Variants in SMAD9 observed in about 807,000 individuals in gnomAD.
SMAD9 encodes MAD homolog 9.
In SMAD9, 36 loss-of-function variants were observed where a neutral mutation model predicts 46.1. That is an observed-to-expected ratio of 0.78 (90% CI 0.60 to 1.03). The LOEUF (loss-of-function observed/expected upper bound fraction) is 1.03. Ranked by LOEUF, SMAD9 falls within the 50% of genes least tolerant of loss-of-function variation. The pLI is 0.00. For synonymous variants in SMAD9, 245 were observed against 237.1 expected (o/e 1.03, Z -0.31); for missense variants, 572 against 599.8 (o/e 0.95, Z 0.48).
At chr13:36,912,870 A>C (rs1357214567) in intron 1 of SMAD9, among the ~76,000 whole-genome samples, 1 of 152,206 alleles carries the variant, frequency 6.6e-6, no homozygotes, top group African/African-American at 2.4e-5. Flanking sequence ...ACGGAAGTCT[A>C]ATCAGGAAAA....
intron 1 of SMAD9, among the ~76,000 whole-genome samples, chr13:36,911,683 G>GCTGT (rs1475786636): frequency 6.7e-6 from 1 of 150,354 alleles, no homozygotes; most frequent in Non-Finnish European, 1.5e-5. Context: ...GTTATGAACT[G>GCTGT]CTGTTCGGGG....
At chr13:36,919,060 T>C (rs1033633478) in intron 1 of SMAD9, among the ~76,000 whole-genome samples, 1 of 152,242 alleles carries the variant, frequency 6.6e-6, no homozygotes, top group Non-Finnish European at 1.5e-5. Context: ...TGTTTCTCAC[T>C]GTAAACTACT....
intron 1 of SMAD9, among the ~76,000 whole-genome samples, chr13:36,883,568 T>C (rs974977697): frequency 3.9e-5 from 6 of 152,268 alleles, no homozygotes; most frequent in South Asian, 2.1e-4. Flanking sequence ...CTGGACAACA[T>C]GGTGAAACAC....
chr13:36,865,736 C>T lies in SMAD9; in HGVS notation c.804G>A (p.Glu268=). 6.2e-7 allele frequency: 1 copy of T among 1,614,026 alleles called. No individual in the cohort carries two copies. Among genetic ancestry groups the T allele is most frequent in the Non-Finnish European group, 8.5e-7 (1 of 1,179,972 alleles). The change falls in exon 5 of 7, where the codon GAG becomes GAA. Residue 268 remains glutamate, a synonymous_variant. Transcript: ENST00000379826. ...CGACCGAGCACCAGTGCTGGGGCTC[C>T]TCGTAACAAACTGGTCGAAAGTCTG... ...PNGDFRPVCY[E]EPQHWCSVAY... is the part of the protein sequence containing the mutation.
chr13:36,867,855 T>C (rs2058251016), intron 3 of SMAD9, among the ~76,000 whole-genome samples: 2 of 152,174 alleles, frequency 1.3e-5, no homozygotes, highest in African/African-American at 2.4e-5. Flanking sequence ...ATTATAACCT[T>C]GTACCCAAGG....
intron 1 of SMAD9, among the ~76,000 whole-genome samples, chr13:36,889,884 T>C (rs779032635): frequency 6.6e-6 from 1 of 152,130 alleles, no homozygotes; most frequent in Non-Finnish European, 1.5e-5. Context: ...CCAGATCTTA[T>C]GCAACATCAA....
chr13:36,867,421 G>A (rs770546979), intron 3 of SMAD9, 38 bp from the exon 4 acceptor site: 9 of 1,350,316 alleles, frequency 6.7e-6, no homozygotes, highest in Middle Eastern at 1.8e-4. Context: ...TTGTCAAATC[G>A]ATAAACCACA....
intron 1 of SMAD9, among the ~76,000 whole-genome samples, chr13:36,882,982 G>C (rs2058416634): frequency 6.6e-6 from 1 of 152,044 alleles, no homozygotes; most frequent in Non-Finnish European, 1.5e-5. Context: ...GTTTCTATTT[G>C]TCCAGGCAGT....
intron 1 of SMAD9, among the ~76,000 whole-genome samples, chr13:36,916,081 CTT>C (rs1409700827): frequency 6.6e-6 from 1 of 152,212 alleles, no homozygotes; most frequent in Admixed American, 6.5e-5. Context: ...TAACAAGACC[CTT>C]TACACATCCA....
chr13:36,851,699 T>A lies in SMAD9; in HGVS notation c.1260+1720A>T, dbSNP rs2058076143. The A allele has an allele frequency of 4.2e-6, 4 of 958,816 alleles. No individual in the cohort carries two copies. In the South Asian group the frequency reaches 1.9e-4, roughly 46 times the overall value. The allele number at this position is 958,816 out of a possible 1,614,324, so 59.4% of individuals were successfully genotyped here. On this transcript the variant is annotated intron_variant, in intron 6 of 6. Transcript: ENST00000379826. Reference sequence around the variant, plus strand: ...AAAGAGATCTGATCCATCAGCCCAGTGGTAGCTACAGCTGCTCATCTCAAA... The same window carrying A: ...AAAGAGATCTGATCCATCAGCCCAGAGGTAGCTACAGCTGCTCATCTCAAA...
intron 1 of SMAD9, 21 bp from the exon 2 acceptor site, chr13:36,879,896 T>C (rs2058387947): frequency 6.7e-6 from 4 of 594,426 alleles, no homozygotes; most frequent in Admixed American, 2.9e-5. Flanking sequence ...CGACAAGACT[T>C]CAATTAGCTT....
intron 1 of SMAD9, among the ~76,000 whole-genome samples, chr13:36,896,139 A>G (rs1178262676): frequency 7.7e-6 from 1 of 129,510 alleles, no homozygotes; most frequent in Non-Finnish European, 1.7e-5. Context: ...TTATTTATTT[A>G]TTTATTTATT....
At chr13:36,893,834 C>A (rs1212469988) in intron 1 of SMAD9, among the ~76,000 whole-genome samples, 1 of 151,966 alleles carries the variant, frequency 6.6e-6, no homozygotes, top group Non-Finnish European at 1.5e-5. Context: ...AGTAGCCCAA[C>A]AAGAAGATGT....
intron 5 of SMAD9, among the ~76,000 whole-genome samples, chr13:36,855,729 G>A (rs1327012049): frequency 6.6e-6 from 1 of 152,102 alleles, no homozygotes; most frequent in Non-Finnish European, 1.5e-5. Flanking sequence ...AGGCAGTTCT[G>A]CATTATATGT....
chr13:36,916,644 G>C (rs769045992), intron 1 of SMAD9, among the ~76,000 whole-genome samples: 22 of 152,122 alleles, frequency 1.4e-4, no homozygotes, highest in Non-Finnish European at 2.8e-4. Context: ...AAAGGTAGAT[G>C]AAACAGTCCC....
At chr13:36,910,703 GC>G (rs925697165) in intron 1 of SMAD9, among the ~76,000 whole-genome samples, 27 of 152,250 alleles carry the variant, frequency 1.8e-4, no homozygotes, top group Admixed American at 1.0e-3. Context: ...AGAGCTGGAA[GC>G]CAACTTCCTG....
chr13:36,852,044 G>T, intron 6 of SMAD9: 1 of 969,318 alleles, frequency 1.0e-6, no homozygotes, highest in Non-Finnish European at 1.2e-6. Flanking sequence ...AAAAGATTTC[G>T]AAGTTATTTG....
chr13:36,853,716 C>A lies in SMAD9; in HGVS notation c.1004-41G>T, dbSNP rs747438141. On this transcript the variant is annotated intron_variant, in intron 5 of 6. Transcript: ENST00000379826. The stretch of plus-strand genomic sequence containing the variant: ...CACAGCCTTCCTTCACATGCCCTTT[C>A]ATAGCGTGCCTCTCCCACTGATTCC... The A allele has an allele frequency of 2.5e-6, 4 of 1,609,394 alleles. No homozygotes were observed. The African/African-American group carries it at 5.3e-5, about 21-fold the overall frequency.
intron 1 of SMAD9, among the ~76,000 whole-genome samples, chr13:36,885,197 G>T (rs1289480184): frequency 6.6e-6 from 1 of 151,968 alleles, no homozygotes; most frequent in Non-Finnish European, 1.5e-5. Flanking sequence ...TTTGTACACT[G>T]GTAATTAATA....
Sources: allele counts gnomAD v4.1 joint callset (sites outside exome capture counted in the v4.1 genomes callset), GRCh38; gene constraint gnomAD v4.1.1; transcripts MANE v1.5; gene names NCBI Gene and HGNC (gene_info 2026-07-23, HGNC 2026-07-21).